Variants in SPECC1 observed in about 807,000 individuals in gnomAD.
The protein encoded by SPECC1 is cytospin-B.
In SPECC1, 62 loss-of-function variants were observed where a neutral mutation model predicts 104.1. The observed-to-expected ratio is 0.60, with a 90% CI of 0.49 to 0.74. The LOEUF (loss-of-function observed/expected upper bound fraction) is 0.74. SPECC1 is among the 30% of genes least tolerant of loss of function. SPECC1 has a pLI of 0.00. For synonymous variants in SPECC1, 513 were observed against 501.6 expected (o/e 1.02, Z -0.30); for missense variants, 1,306 against 1,310.5 (o/e 1.00, Z 0.05).
chr17:20,090,576 C>A (rs1255374258), intron 1 of SPECC1, among the ~76,000 whole-genome samples: 24 of 144,998 alleles, frequency 1.7e-4, no homozygotes, highest in Non-Finnish European at 3.3e-4. Flanking sequence ...TGCACTAGAC[C>A]ATTTTACACT....
chr17:20,051,375 A>G (rs540080225), intron 1 of SPECC1, among the ~76,000 whole-genome samples: 2 of 152,084 alleles, frequency 1.3e-5, no homozygotes, highest in South Asian at 4.2e-4. Context: ...AGGTTTCACC[A>G]TGTTGGCCAG....
chr17:20,211,991 G>A (rs867250335), intron 4 of SPECC1, among the ~76,000 whole-genome samples: 4 of 152,174 alleles, frequency 2.6e-5, no homozygotes, highest in African/African-American at 7.2e-5. Flanking sequence ...AAGTACCTGC[G>A]TGGGGCCTTG....
intron 3 of SPECC1, among the ~76,000 whole-genome samples, chr17:20,111,380 A>G (rs2048482858): frequency 6.6e-6 from 1 of 152,240 alleles, no homozygotes; most frequent in African/African-American, 2.4e-5. Context: ...GTTTTTAAAA[A>G]GTTGAATCTG....
intron 12 of SPECC1, among the ~76,000 whole-genome samples, chr17:20,286,509 A>C (rs1038906662): frequency 6.6e-6 from 1 of 151,968 alleles, no homozygotes; most frequent in African/African-American, 2.4e-5. Context: ...ACCCCTCTCT[A>C]CTTTAAGGCC....
intron 3 of SPECC1, chr17:20,126,465 T>C (rs569584884): frequency 2.0e-4 from 31 of 152,314 alleles, no homozygotes; most frequent in African/African-American, 7.0e-4. Context: ...ATCATTCCAG[T>C]TTTGGTATTA....
chr17:20,015,536 G>A (rs889667447), intron 1 of SPECC1, among the ~76,000 whole-genome samples: 3 of 143,082 alleles, frequency 2.1e-5, no homozygotes, highest in African/African-American at 7.7e-5. Context: ...CCCATCTCTT[G>A]AGTGTTTTTA....
rs561513728 is a variant in SPECC1, at chr17:20,052,551, AG to A, written c.-22+43129del. 1.1e-4 allele frequency among the ~76,000 whole-genome samples: 16 copies of A among 152,332 alleles called. No individual in the cohort carries two copies. The South Asian group carries it at 1.4e-3, about 14-fold the overall frequency. Reference sequence around the variant, plus strand: ...CTTAACGCCTTATCCATACTACTAGAGGCCCAGGCTGAGATTCTCCTAGACC... The same window carrying A: ...CTTAACGCCTTATCCATACTACTAGAGCCCAGGCTGAGATTCTCCTAGACC... On this transcript the variant is annotated intron_variant, in intron 1 of 14. Transcript: ENST00000395527.
At chr17:20,203,181 C>G (rs1471031450) in intron 3 of SPECC1, among the ~76,000 whole-genome samples, 1 of 151,724 alleles carries the variant, frequency 6.6e-6, no homozygotes, top group Non-Finnish European at 1.5e-5. Flanking sequence ...GGTTGATGAC[C>G]ACTTCTGGGA....
intron 1 of SPECC1, among the ~76,000 whole-genome samples, chr17:20,010,505 T>C (rs2043904891): frequency 6.6e-6 from 1 of 152,232 alleles, no homozygotes; most frequent in South Asian, 2.1e-4. Context: ...TCAATCCTAA[T>C]ACCTCAACAG....
At chr17:20,160,814 C>T (rs1427575732) in intron 3 of SPECC1, among the ~76,000 whole-genome samples, 3 of 152,148 alleles carry the variant, frequency 2.0e-5, no homozygotes, top group African/African-American at 4.8e-5. Flanking sequence ...CTACTACTAA[C>T]CTGCACTATG....
At chr17:20,272,211 C>T (rs1027399040) in intron 12 of SPECC1, among the ~76,000 whole-genome samples, 1 of 152,084 alleles carries the variant, frequency 6.6e-6, no homozygotes, top group Non-Finnish European at 1.5e-5. Context: ...TGGAAATCCC[C>T]CTGGCCTGGC....
chr17:20,167,434 C>T (rs1021120430), intron 3 of SPECC1, among the ~76,000 whole-genome samples: 1 of 152,134 alleles, frequency 6.6e-6, no homozygotes, highest in Non-Finnish European at 1.5e-5. Context: ...AATCCTAGCA[C>T]TTTGGGAGGC....
chr17:20,159,603 T>C (rs1023474709), intron 3 of SPECC1, among the ~76,000 whole-genome samples: 2 of 152,234 alleles, frequency 1.3e-5, no homozygotes, highest in South Asian at 2.1e-4. Flanking sequence ...AGCCCTGGAA[T>C]TGGCTGTGGT....
At chr17:20,224,552 A>C (rs1263267023) in intron 4 of SPECC1, among the ~76,000 whole-genome samples, 1 of 152,112 alleles carries the variant, frequency 6.6e-6, no homozygotes, top group African/African-American at 2.4e-5. Context: ...GCTGGTATCC[A>C]AGTTGGAAGA....
chr17:20,253,202 A>G (rs940838881), intron 9 of SPECC1, among the ~76,000 whole-genome samples: 1 of 152,244 alleles, frequency 6.6e-6, no homozygotes, highest in African/African-American at 2.4e-5. Flanking sequence ...GAATATACAT[A>G]GAACATTCCA....
chr17:20,310,582 C>T (rs144588312), intron 14 of SPECC1, among the ~76,000 whole-genome samples: 122 of 152,324 alleles, frequency 8.0e-4, no homozygotes, highest in African/African-American at 2.6e-3. Context: ...AGGCGAGGGA[C>T]GATATGTGAT....
chr17:20,270,516 G>A (rs1274676493), intron 12 of SPECC1, among the ~76,000 whole-genome samples: 2 of 148,510 alleles, frequency 1.3e-5, no homozygotes, highest in African/African-American at 2.5e-5. Context: ...CTATTCAGGA[G>A]GCTGAAGACA....
chr17:20,217,265 G>GTC (rs1567951827), intron 4 of SPECC1, among the ~76,000 whole-genome samples: 6 of 146,788 alleles, frequency 4.1e-5, no homozygotes, highest in African/African-American at 1.5e-4. Flanking sequence ...TTTTTTTATT[G>GTC]TGTGTGTGTG....
chr17:20,117,425 A>G (rs2048814500), intron 3 of SPECC1, among the ~76,000 whole-genome samples: 1 of 152,188 alleles, frequency 6.6e-6, no homozygotes, highest in African/African-American at 2.4e-5. Context: ...CTTTGCAAAA[A>G]GAAGAAATTA....
Sources: allele counts gnomAD v4.1 joint callset (sites outside exome capture counted in the v4.1 genomes callset), GRCh38; gene constraint gnomAD v4.1.1; transcripts MANE v1.5; gene names NCBI Gene and HGNC (gene_info 2026-07-23, HGNC 2026-07-21).